Variants in DNAH2 observed in about 807,000 individuals in gnomAD.
DNAH2 encodes dynein axonemal heavy chain 2.
Under a neutral mutation model 523.5 loss-of-function variants are expected in DNAH2, and 323 were observed. The observed-to-expected ratio is 0.62, with a 90% CI of 0.56 to 0.68. The LOEUF is 0.68. Among genes scored for constraint, DNAH2 ranks in the 30% least tolerant of loss-of-function variants. The pLI, the probability that DNAH2 is intolerant of heterozygous loss-of-function variation, is 0.00. For synonymous variants in DNAH2, 2,093 were observed against 2,177.4 expected, an observed-to-expected ratio of 0.96 and a Z score of 1.08; for missense variants, 4,907 against 5,701.5, an observed-to-expected ratio of 0.86 and a Z score of 4.49.
At chr17:7,773,916 G>A (rs1266183431) in intron 28 of DNAH2, among the ~76,000 whole-genome samples, 4 of 152,050 alleles carry the variant, frequency 2.6e-5, no homozygotes, top group African/African-American at 9.7e-5. Flanking sequence ...TTTTAGTAGA[G>A]ATGGGATTTT....
At chr17:7,748,760 C>T (rs958733063) in intron 12 of DNAH2, among the ~76,000 whole-genome samples, 26 of 151,186 alleles carry the variant, frequency 1.7e-4, no homozygotes, top group African/African-American at 5.6e-4. Context: ...CCTCCCAAAG[C>T]GTTGGGATTA....
intron 8 of DNAH2, chr17:7,737,894 A>G: frequency 1.5e-6 from 1 of 689,292 alleles, no homozygotes. Context: ...AAGCACGGGC[A>G]GGGGGATGCA....
At chr17:7,819,500 C>T in intron 72 of DNAH2, 92 bp downstream of exon 72, 3 of 1,392,560 alleles carry the variant, frequency 2.2e-6, no homozygotes. Flanking sequence ...CGCACCGCGG[C>T]TCTCAGCCTG....
At chr17:7,792,565 G>T in intron 46 of DNAH2, 92 bp from the exon 47 acceptor site, 1 of 1,176,418 alleles carries the variant, frequency 8.5e-7, no homozygotes, top group East Asian at 2.5e-5. Context: ...GCAGGGTGCT[G>T]ATGAGACAGT....
chr17:7,757,165 A>T lies in DNAH2; in HGVS notation c.1979A>T (p.Asn660Ile). ...LLFETPHYVV[N>I]VAERAEDLRI... is the part of the protein sequence containing the mutation. ...TTTGAGACGCCCCATTACGTGGTGA[A>T]CGTAGCTGAGCGAGCCGAGGACCTG... Residue 660 changes from asparagine to isoleucine, a missense_variant, in exon 13 of 86, where the codon AAC becomes ATC. Coordinates refer to ENST00000572933, the MANE Select transcript of DNAH2 (RefSeq NM_020877.5). 6.2e-7 allele frequency: 1 copy of T among 1,614,162 alleles called. No individual in the cohort carries two copies. Among genetic ancestry groups the T allele is most frequent in the Non-Finnish European group, 8.5e-7 (1 of 1,180,014 alleles).
Position 7,758,883 on chromosome 17 carries a change from A to T in DNAH2, c.2209-2A>T, listed in dbSNP as rs1463197141. 6.2e-7 allele frequency: 1 copy of T among 1,613,648 alleles called. No individual in the cohort carries two copies. Among genetic ancestry groups the T allele is most frequent in the Non-Finnish European group, 8.5e-7 (1 of 1,179,896 alleles). On this transcript the variant is annotated splice_acceptor_variant, in intron 14 of 85. Coordinates refer to ENST00000572933, the MANE Select transcript of DNAH2 (RefSeq NM_020877.5). LOFTEE classifies it high-confidence loss of function. ...CTCCCCCATGACGGGGCCTGACTCT[A>T]GGTGCAGATGATTGTGAATGAGTTC...
Position 7,759,131 on chromosome 17 carries a change from T to A in DNAH2, c.2448+7T>A. 1 of 1,613,502 alleles carries A rather than the reference T, an allele frequency of 6.2e-7. No individual in the cohort carries two copies. The highest frequency in any genetic ancestry group is 8.5e-7 in the Non-Finnish European group (1 of 1,179,760). ...CAAGAATGATGGTCCTGAGGTAGGG[T>A]TCCTGTGGCCAGGATGTTGTGGTTG... On this transcript the variant is annotated splice_region_variant and intron_variant, in intron 15 of 85. Coordinates refer to ENST00000572933, the MANE Select transcript of DNAH2 (RefSeq NM_020877.5).
chr17:7,736,588 G>C (rs1013431338), intron 7 of DNAH2, among the ~76,000 whole-genome samples: 3 of 152,198 alleles, frequency 2.0e-5, no homozygotes, highest in Non-Finnish European at 4.4e-5. Context: ...GCTAACTCTG[G>C]TCCGAAGGCT....
At chr17:7,736,365 G>C (rs974193619) in intron 7 of DNAH2, among the ~76,000 whole-genome samples, 1 of 152,132 alleles carries the variant, frequency 6.6e-6, no homozygotes, top group African/African-American at 2.4e-5. Flanking sequence ...CTGAGAACAG[G>C]GCAGTGAAAG....
In DNAH2 at chr17:7,759,775, A is replaced by G; in HGVS notation, c.2638-16A>G. On this transcript the variant is annotated splice_polypyrimidine_tract_variant and intron_variant, in intron 16 of 85. Transcript: ENST00000572933. ...TCCTAAGGCTTTTCTCTCCATCTCC[A>G]CTGGGTTCCTCACAGGTGGAATTCT... is the stretch of plus-strand genomic sequence containing the variant. 3 of 1,613,934 alleles carry G rather than the reference A, an allele frequency of 1.9e-6. No homozygotes were observed. In the South Asian group the frequency reaches 3.3e-5, roughly 18 times the overall value.
intron 22 of DNAH2, among the ~76,000 whole-genome samples, 159 bp downstream of exon 22, chr17:7,766,640 C>CTTTTTTTT (rs58072098): frequency 1.4e-4 from 12 of 84,442 alleles, no homozygotes; most frequent in Admixed American, 1.5e-4. Flanking sequence ...AAAATTAATC[C>CTTTTTTTT]TTTTTTTTTT....
rs1210447669 is a variant in DNAH2 at position 7,833,206 on chromosome 17, A to C, written c.13114A>C (p.Lys4372Gln). Reference sequence around the variant, plus strand: ...CCACTTCCGGCCTGCAGAGAGCCGCAAGAAGAGCGCCAAGGGTGGGACAGC... The same window carrying C: ...CCACTTCCGGCCTGCAGAGAGCCGCCAGAAGAGCGCCAAGGGTGGGACAGC... ...TIHFRPAESRKKSAKGMYSCP... is the reference protein window; with the variant it reads ...TIHFRPAESRQKSAKGMYSCP... The change falls in exon 85 of 86, where the codon AAG (lysine) becomes CAG (glutamine). Residue 4372 changes from lysine (K) to glutamine (Q), a missense_variant. Lys to Gln is a moderately conservative substitution (Grantham distance 53). Coordinates refer to ENST00000572933, the MANE Select transcript of DNAH2 (RefSeq NM_020877.5). The C allele has an allele frequency of 6.2e-7, 1 of 1,607,278 alleles. No homozygotes were observed. Among genetic ancestry groups the C allele is most frequent in the Admixed American group, 1.7e-5 (1 of 60,016 alleles).
chr17:7,811,737 C>T (rs1166168335), intron 63 of DNAH2, among the ~76,000 whole-genome samples: 1 of 152,136 alleles, frequency 6.6e-6, no homozygotes, highest in Non-Finnish European at 1.5e-5. Context: ...CTAATCACCT[C>T]CCAGATGCCC....
At chr17:7,741,270 C>T (rs553568901) in intron 11 of DNAH2, among the ~76,000 whole-genome samples, 1 of 50,260 alleles carries the variant, frequency 2.0e-5, no homozygotes, top group Non-Finnish European at 3.5e-5. Context: ...TTCTTTCTTT[C>T]TTTCTTTCTT....
intron 30 of DNAH2, 138 bp from the exon 31 acceptor site, chr17:7,775,886 C>A: frequency 1.7e-6 from 2 of 1,174,922 alleles, no homozygotes; most frequent in South Asian, 1.6e-5. Context: ...CTCTCAGGAA[C>A]GCAAGCCAGC....
At chr17:7,789,354 C>G (rs1302521502) in intron 44 of DNAH2, among the ~76,000 whole-genome samples, 1 of 152,118 alleles carries the variant, frequency 6.6e-6, no homozygotes, top group Admixed American at 6.5e-5. Context: ...TCAGGCCTGG[C>G]AGGGCGGGCC....
chr17:7,744,114 C>A (rs944248772), intron 12 of DNAH2, among the ~76,000 whole-genome samples: 1 of 151,794 alleles, frequency 6.6e-6, no homozygotes, highest in Non-Finnish European at 1.5e-5. Flanking sequence ...GCCAGCATGG[C>A]GAAACCCTGT....
At chr17:7,788,936 G>A (rs1346617048) in intron 44 of DNAH2, among the ~76,000 whole-genome samples, 2 of 152,320 alleles carry the variant, frequency 1.3e-5, no homozygotes, top group Non-Finnish European at 2.9e-5. Context: ...AGGCCGAGGT[G>A]GGTGGATCAC....
At chr17:7,775,988 C>T in intron 30 of DNAH2, 36 bp from the exon 31 acceptor site, 1 of 1,610,790 alleles carries the variant, frequency 6.2e-7, no homozygotes, top group Non-Finnish European at 8.5e-7. Flanking sequence ...CGTGCCCCCT[C>T]AGGCTGAGCT....
Sources: gnomAD v4.1 joint callset for allele counts (sites outside exome capture counted in the v4.1 genomes callset) on GRCh38, gnomAD v4.1.1 for gene constraint, MANE v1.5 for transcripts, NCBI Gene and HGNC (gene_info 2026-07-23, HGNC 2026-07-21) for gene names.